Variants in THSD4 observed in about 807,000 individuals in gnomAD.
THSD4 encodes the protein thrombospondin type 1 domain containing 4.
In THSD4, 69 loss-of-function variants were observed where a neutral mutation model predicts 119.0. That is an observed-to-expected ratio of 0.58 (90% CI 0.48 to 0.71). The LOEUF is 0.71. Among genes scored for constraint, THSD4 ranks in the 30% least tolerant of loss-of-function variants. The pLI is 0.00. For synonymous variants in THSD4, 524 were observed against 540.4 expected (o/e 0.97, Z 0.42); for missense variants, 1,393 against 1,391.1 (o/e 1.00, Z -0.02).
intron 7 of THSD4, among the ~76,000 whole-genome samples, chr15:71,542,647 G>A (rs1488622333): frequency 6.6e-6 from 1 of 152,142 alleles, no homozygotes; most frequent in Non-Finnish European, 1.5e-5. Flanking sequence ...GGAGGCCGAG[G>A]TAGGCGGATC....
At chr15:71,368,269 G>A (rs973720234) in intron 6 of THSD4, among the ~76,000 whole-genome samples, 1 of 152,168 alleles carries the variant, frequency 6.6e-6, no homozygotes, top group Non-Finnish European at 1.5e-5. Context: ...CTTTTGCTGT[G>A]CAGAAGCTCT....
intron 5 of THSD4, among the ~76,000 whole-genome samples, chr15:71,252,190 A>G (rs2044266720): frequency 6.6e-6 from 1 of 152,214 alleles, no homozygotes; most frequent in Non-Finnish European, 1.5e-5. Flanking sequence ...AGGATCAGCT[A>G]TCTGCAAGAA....
rs1228309263 is a variant in THSD4 at position 71,678,475 on chromosome 15, C to G, written c.1357+17741C>G. On this transcript the variant is annotated intron_variant, in intron 8 of 17. Coordinates refer to ENST00000261862, the MANE Select transcript of THSD4 (RefSeq NM_024817.3). ...GAAACCTGCCTTCTAAGATTGCCCT[C>G]TTCTCTCTTCAGGCCTTACTTTCCC... 2.0e-5 allele frequency among the ~76,000 whole-genome samples: 3 copies of G among 152,214 alleles called. No individual in the cohort carries two copies. The East Asian group carries it at 5.8e-4, about 29-fold the overall frequency.
intron 7 of THSD4, among the ~76,000 whole-genome samples, chr15:71,510,193 G>C (rs1456540679): frequency 6.6e-6 from 1 of 152,210 alleles, no homozygotes; most frequent in Non-Finnish European, 1.5e-5. Flanking sequence ...TCAGCACAGT[G>C]TCTAGTGTCT....
intron 7 of THSD4, among the ~76,000 whole-genome samples, chr15:71,600,442 T>A (rs914956869): frequency 2.0e-5 from 3 of 152,256 alleles, no homozygotes; most frequent in Admixed American, 6.5e-5. Flanking sequence ...GAGGGAAGAA[T>A]CTGTGTCTGA....
At chr15:71,764,099 A>G (rs1250787322) in intron 15 of THSD4, among the ~76,000 whole-genome samples, 1 of 151,028 alleles carries the variant, frequency 6.6e-6, no homozygotes, top group African/African-American at 2.4e-5. Flanking sequence ...AGAACGAATG[A>G]ACCAGGCAAG....
intron 11 of THSD4, among the ~76,000 whole-genome samples, chr15:71,742,743 C>T (rs150610154): frequency 6.6e-4 from 101 of 152,104 alleles, no homozygotes; most frequent in African/African-American, 2.3e-3. Flanking sequence ...GAAACCACTG[C>T]GGTCACTAGA....
intron 2 of THSD4, among the ~76,000 whole-genome samples, chr15:71,145,193 C>T (rs750068173): frequency 2.0e-4 from 31 of 152,056 alleles, no homozygotes; most frequent in Non-Finnish European, 4.0e-4. Flanking sequence ...TCAAGGAGTG[C>T]TTTTGTATGG....
At chr15:71,515,529 G>A (rs911174503) in intron 7 of THSD4, among the ~76,000 whole-genome samples, 4 of 152,124 alleles carry the variant, frequency 2.6e-5, no homozygotes, top group Admixed American at 6.6e-5. Context: ...GTGTCCCCAT[G>A]TCTAAGACAA....
At chr15:71,530,038 T>A (rs546659240) in intron 7 of THSD4, among the ~76,000 whole-genome samples, 2 of 152,366 alleles carry the variant, frequency 1.3e-5, no homozygotes, top group South Asian at 4.1e-4. Context: ...TTATGGTAAC[T>A]ACTTCTACAA....
intron 6 of THSD4, among the ~76,000 whole-genome samples, chr15:71,272,878 A>AT (rs1396994495): frequency 6.6e-6 from 1 of 152,196 alleles, no homozygotes; most frequent in Admixed American, 6.5e-5. Flanking sequence ...AGAAAAAAAA[A>AT]GAAAAAGAAA....
At chr15:71,694,170 C>A (rs1037310508) in intron 8 of THSD4, among the ~76,000 whole-genome samples, 2 of 152,332 alleles carry the variant, frequency 1.3e-5, no homozygotes, top group South Asian at 2.1e-4. Context: ...TTTGGAAAAA[C>A]CATGAGAGAT....
chr15:71,635,029 G>A lies in THSD4; in HGVS notation c.1153-25501G>A, dbSNP rs367609759. On this transcript the variant is annotated intron_variant, in intron 7 of 17. Coordinates refer to ENST00000261862, the MANE Select transcript of THSD4 (RefSeq NM_024817.3). ...AGACCGTCAGATATTTCCTGCCATC[G>A]CATGGCCTCCTGCTCACAAACATTT... Among the ~76,000 whole-genome samples the A allele has an allele frequency of 5.3e-5, 8 of 152,218 alleles. No homozygotes were observed. The East Asian group carries it at 5.8e-4, about 11-fold the overall frequency.
chr15:71,685,664 G>T (rs2051892906), intron 8 of THSD4, among the ~76,000 whole-genome samples: 1 of 152,144 alleles, frequency 6.6e-6, no homozygotes, highest in Admixed American at 6.5e-5. Flanking sequence ...TAAATATGTA[G>T]TTGGAAAATA....
At chr15:71,474,879 C>G (rs912849707) in intron 7 of THSD4, among the ~76,000 whole-genome samples, 1 of 152,200 alleles carries the variant, frequency 6.6e-6, no homozygotes, top group African/African-American at 2.4e-5. Flanking sequence ...GGAGTATCCC[C>G]TCCATTCTCT....
chr15:71,623,623 A>G (rs752945473), intron 7 of THSD4, among the ~76,000 whole-genome samples: 8 of 152,212 alleles, frequency 5.3e-5, no homozygotes, highest in Non-Finnish European at 1.0e-4. Flanking sequence ...AAAAAGTTTA[A>G]AATCTAATCA....
intron 7 of THSD4, among the ~76,000 whole-genome samples, chr15:71,451,799 G>A (rs1595781497): frequency 6.6e-6 from 1 of 152,158 alleles, no homozygotes; most frequent in Admixed American, 6.5e-5. Context: ...AGGTCAGGGT[G>A]GAGGAGGAAG....
intron 7 of THSD4, among the ~76,000 whole-genome samples, chr15:71,604,703 A>G (rs931529542): frequency 6.6e-6 from 1 of 152,250 alleles, no homozygotes; most frequent in African/African-American, 2.4e-5. Context: ...TAGGAAATGT[A>G]TATGTATCAT....
intron 6 of THSD4, among the ~76,000 whole-genome samples, chr15:71,386,464 G>A (rs1330501274): frequency 6.6e-6 from 1 of 152,136 alleles, no homozygotes; most frequent in Non-Finnish European, 1.5e-5. Context: ...CAAATACCAT[G>A]ACAATAGAGA....
Sources: gnomAD v4.1 joint callset for allele counts (sites outside exome capture counted in the v4.1 genomes callset) on GRCh38, gnomAD v4.1.1 for gene constraint, MANE v1.5 for transcripts, NCBI Gene and HGNC (gene_info 2026-07-23, HGNC 2026-07-21) for gene names.